The following COA1 variants were observed in gnomAD, a reference collection of about 807,000 sequenced individuals.
COA1 encodes the protein cytochrome c oxidase assembly factor 1 homolog.
A neutral mutation model predicts 16.0 loss-of-function variants in COA1; 13 were observed. That is an observed-to-expected ratio of 0.81 (90% CI 0.53 to 1.29). The LOEUF (loss-of-function observed/expected upper bound fraction) is 1.29, where lower values mean the gene tolerates loss of function less well. Ranked by LOEUF, COA1 falls within the 50% of genes most tolerant of loss-of-function variation. The pLI is 0.00. For missense variants in COA1, 179 were observed against 177.0 expected, an observed-to-expected ratio of 1.01 and a Z score of -0.06; for synonymous variants, 65 against 65.7, an observed-to-expected ratio of 0.99 and a Z score of 0.05.
At chr7:43,659,422 C>T (rs2092195920) in intron 1 of COA1, among the ~76,000 whole-genome samples, 1 of 152,136 alleles carries the variant, frequency 6.6e-6, no homozygotes. Context: ...TGAACAAATA[C>T]ATTTCAAGGC....
chr7:43,674,779 T>C (rs1584823569), intron 1 of COA1, among the ~76,000 whole-genome samples: 1 of 152,220 alleles, frequency 6.6e-6, no homozygotes, highest in African/African-American at 2.4e-5. Flanking sequence ...TCAAGACTTA[T>C]CTTCAGGACT....
At chr7:43,617,091 A>G (rs1479414395) in intron 6 of COA1, among the ~76,000 whole-genome samples, 6 of 152,226 alleles carry the variant, frequency 3.9e-5, no homozygotes, top group Non-Finnish European at 4.4e-5. Flanking sequence ...GAGAGGGAGC[A>G]TGGCAAGTAT....
intron 6 of COA1, among the ~76,000 whole-genome samples, chr7:43,627,774 A>C (rs181695209): frequency 6.6e-6 from 1 of 152,164 alleles, no homozygotes; most frequent in Non-Finnish European, 1.5e-5. Flanking sequence ...AAATGTACAG[A>C]TCTAAATCCA....
intron 1 of COA1, among the ~76,000 whole-genome samples, chr7:43,714,869 A>G (rs1040154025): frequency 3.3e-5 from 5 of 151,748 alleles, no homozygotes; most frequent in Admixed American, 3.3e-4. Flanking sequence ...TTAGCTGGAC[A>G]TGGTGGTGCA....
At chr7:43,651,861 G>A (rs952743982) in intron 1 of COA1, among the ~76,000 whole-genome samples, 4 of 152,112 alleles carry the variant, frequency 2.6e-5, no homozygotes, top group Non-Finnish European at 5.9e-5. Context: ...GTCAGATGTA[G>A]TTGCATGCAC....
intron 1 of COA1, among the ~76,000 whole-genome samples, chr7:43,729,005 C>G (rs927922395): frequency 3.3e-5 from 5 of 152,144 alleles, no homozygotes; most frequent in East Asian, 1.9e-4. Context: ...GTGGTGGGGA[C>G]AAAAAGTATT....
At chr7:43,664,128 A>AGAGAGAGAGG (rs963621045) in intron 1 of COA1, among the ~76,000 whole-genome samples, 1 of 147,934 alleles carries the variant, frequency 6.8e-6, no homozygotes, top group African/African-American at 2.5e-5. Context: ...AGAGAGAGAG[A>AGAGAGAGAGG]GAGTCTTGCT....
At chr7:43,695,215 T>C (rs1235953519) in intron 1 of COA1, among the ~76,000 whole-genome samples, 3 of 150,944 alleles carry the variant, frequency 2.0e-5, no homozygotes, top group East Asian at 3.9e-4. Context: ...AATAAGACTG[T>C]TTCCTCTGCT....
chr7:43,686,583 C>T (rs1200161819), intron 1 of COA1, among the ~76,000 whole-genome samples: 1 of 151,968 alleles, frequency 6.6e-6, no homozygotes, highest in African/African-American at 2.4e-5. Context: ...CGTGAGCCAC[C>T]GCGCCCGGCC....
intron 1 of COA1, among the ~76,000 whole-genome samples, chr7:43,661,453 G>A (rs183976065): frequency 5.5e-4 from 84 of 152,292 alleles, no homozygotes; most frequent in African/African-American, 1.6e-3. Context: ...GGCTAACACA[G>A]TGAAACCCCG....
chr7:43,640,541 G>GC (rs767972643), intron 5 of COA1, 32 bp downstream of exon 5: 21 of 1,504,722 alleles, frequency 1.4e-5, no homozygotes, highest in Non-Finnish European at 1.7e-5. Flanking sequence ...TCTTCCTCCC[G>GC]CTCCCCCACT....
chr7:43,614,618 G>A (rs2083181335), intron 6 of COA1, among the ~76,000 whole-genome samples: 1 of 152,220 alleles, frequency 6.6e-6, no homozygotes, highest in African/African-American at 2.4e-5. Context: ...ATTGGGCACA[G>A]TTAGTTGGTA....
intron 1 of COA1, among the ~76,000 whole-genome samples, chr7:43,665,045 CAAAAT>C (rs2092784142): frequency 6.6e-6 from 1 of 151,626 alleles, no homozygotes; most frequent in Non-Finnish European, 1.5e-5. Context: ...AACTCTGTCT[CAAAAT>C]AAAAAAGAAA....
intron 1 of COA1, among the ~76,000 whole-genome samples, chr7:43,691,429 G>GAAAT (rs796708212): frequency 0.042 from 2,457 of 58,624 alleles, 63 homozygotes; most frequent in Admixed American, 0.091. Context: ...GAAAAAGAAA[G>GAAAT]AAAGAAAGAA....
intron 1 of COA1, among the ~76,000 whole-genome samples, chr7:43,697,003 A>G (rs1384732454): frequency 6.6e-6 from 1 of 152,088 alleles, no homozygotes; most frequent in Non-Finnish European, 1.5e-5. Context: ...ACACGCCTGT[A>G]GTCCCAGCTA....
At chr7:43,682,663 A>G (rs538649022) in intron 1 of COA1, among the ~76,000 whole-genome samples, 1 of 152,132 alleles carries the variant, frequency 6.6e-6, no homozygotes, top group African/African-American at 2.4e-5. Flanking sequence ...TTTTAGGATG[A>G]TTTTTTTTAA....
At chr7:43,616,646 C>T in intron 6 of COA1, among the ~76,000 whole-genome samples, 1 of 152,156 alleles carries the variant, frequency 6.6e-6, no homozygotes, top group East Asian at 1.9e-4. Context: ...GCCTGTAATC[C>T]CAGCACTTTG....
At chr7:43,720,974 C>T (rs1337721592) in intron 1 of COA1, among the ~76,000 whole-genome samples, 3 of 152,208 alleles carry the variant, frequency 2.0e-5, no homozygotes, top group South Asian at 2.1e-4. Context: ...GCTCCATTTA[C>T]TGATCAATGC....
At chr7:43,640,491 A>G in intron 5 of COA1, 82 bp downstream of exon 5, 8 of 990,856 alleles carry the variant, frequency 8.1e-6, no homozygotes, top group Non-Finnish European at 1.6e-6. Context: ...GTAATTTAAC[A>G]ACAAATGAAA....
Sources: allele counts gnomAD v4.1 joint callset (sites outside exome capture counted in the v4.1 genomes callset), GRCh38; gene constraint gnomAD v4.1.1; transcripts MANE v1.5; gene names NCBI Gene and HGNC (gene_info 2026-07-23, HGNC 2026-07-21).